Variants in VMA12 observed in about 807,000 individuals in gnomAD.
VMA12 encodes the protein vacuolar ATPase assembly protein VMA12.
the VMA12 span, chr17:28,361,975 G>A: frequency 6.6e-6 from 1 of 152,302 alleles, no homozygotes; most frequent in Admixed American, 6.5e-5. Context: ...TGAGAACTTA[G>A]ATTAGTGGTG....
At chr17:28,360,629 C>CA in the VMA12 span, 1 of 1,608,798 alleles carries the variant, frequency 6.2e-7, no homozygotes, top group Middle Eastern at 1.7e-4. Context: ...TCATGACACT[C>CA]AGGCTTGTTG....
the VMA12 span, chr17:28,363,234 C>G: frequency 1.3e-5 from 2 of 152,150 alleles, no homozygotes; most frequent in African/African-American, 4.8e-5. Context: ...CAGAGCAGCT[C>G]CAGAGGTGGA....
At chr17:28,361,457 T>C in the VMA12 span, 1 of 568,750 alleles carries the variant, frequency 1.8e-6, no homozygotes, top group African/African-American at 1.9e-5. Context: ...AGATAACACA[T>C]CTTTAAAACA....
chr17:28,357,983 T>C, the VMA12 span: 5 of 1,270,142 alleles, frequency 3.9e-6, no homozygotes, highest in African/African-American at 1.5e-5. Context: ...AGCACTCATC[T>C]AGACAAGTCA....
the VMA12 span, chr17:28,360,882 G>A: frequency 6.3e-7 from 1 of 1,579,736 alleles, no homozygotes; most frequent in Non-Finnish European, 8.7e-7. Context: ...GGTGCCCCTG[G>A]TGGGGGTGTT....
At chr17:28,357,997 G>A in the VMA12 span, 13 of 1,118,624 alleles carry the variant, frequency 1.2e-5, no homozygotes, top group African/African-American at 1.7e-4. Context: ...CAAGTCAAGA[G>A]TCACTCCATA....
chr17:28,358,324 G>C, the VMA12 span: 3 of 443,316 alleles, frequency 6.8e-6, no homozygotes, highest in African/African-American at 6.1e-5. Flanking sequence ...GATGGCAAAA[G>C]CTGTGTTGAA....
the VMA12 span, chr17:28,360,827 A>T: frequency 6.2e-7 from 1 of 1,613,816 alleles, no homozygotes; most frequent in Non-Finnish European, 8.5e-7. Context: ...AAGCCAATAT[A>T]TCTTCACAGA....
the VMA12 span, chr17:28,358,281 A>G: frequency 2.4e-5 from 10 of 417,256 alleles, no homozygotes; most frequent in Admixed American, 1.8e-4. Context: ...GAAATCTGAT[A>G]CTTTGTTTTG....
the VMA12 span, chr17:28,357,934 C>T: frequency 1.2e-5 from 19 of 1,582,366 alleles, no homozygotes; most frequent in Middle Eastern, 1.7e-4. Flanking sequence ...GATCGATTCC[C>T]TCCTGAGGTC....
At chr17:28,362,314 A>C in the VMA12 span, 1 of 152,178 alleles carries the variant, frequency 6.6e-6, no homozygotes, top group Admixed American at 6.5e-5. Flanking sequence ...AAGAAAAAGT[A>C]GGTGGCATTT....
chr17:28,357,853 G>A, the VMA12 span: 1 of 1,614,016 alleles, frequency 6.2e-7, no homozygotes, highest in East Asian at 2.2e-5. Context: ...GTCTCATCCG[G>A]GATCTGCACC....
the VMA12 span, chr17:28,359,294 C>A: frequency 6.2e-7 from 1 of 1,612,848 alleles, no homozygotes; most frequent in South Asian, 1.1e-5. Flanking sequence ...TCATTCTTCT[C>A]ATTTGATTTT....
the VMA12 span, chr17:28,361,015 C>T: frequency 1.1e-6 from 1 of 929,084 alleles, no homozygotes; most frequent in Non-Finnish European, 1.7e-6. Flanking sequence ...AGGTAATAAC[C>T]CCAGGAGAAG....
chr17:28,362,259 AAT>A, the VMA12 span: 1 of 151,810 alleles, frequency 6.6e-6, no homozygotes, highest in African/African-American at 2.4e-5. Context: ...CTTCCTCTAC[AAT>A]GTTTGCCAGT....
At chr17:28,361,504 G>A in the VMA12 span, 5 of 469,386 alleles carry the variant, frequency 1.1e-5, no homozygotes, top group Non-Finnish European at 1.9e-5. Context: ...ACCTCTTCCT[G>A]AATCTGGTAC....
chr17:28,360,642 T>G, the VMA12 span: 2 of 1,608,392 alleles, frequency 1.2e-6, no homozygotes, highest in Non-Finnish European at 1.7e-6. Flanking sequence ...GCTTGTTGTT[T>G]GACTGAAACC....
chr17:28,358,848 C>A, the VMA12 span: 2 of 1,247,626 alleles, frequency 1.6e-6, no homozygotes, highest in South Asian at 1.4e-5. Flanking sequence ...AGGGCTACAC[C>A]CCTCTTGATC....
the VMA12 span, chr17:28,360,693 G>C: frequency 6.2e-7 from 1 of 1,606,274 alleles, no homozygotes; most frequent in East Asian, 2.2e-5. Flanking sequence ...ACCTCCTAGA[G>C]AATGTTGAAC....
Sources: allele counts gnomAD v4.1 joint callset, GRCh38; gene constraint gnomAD v4.1.1; transcripts MANE v1.5; gene names NCBI Gene and HGNC (gene_info 2026-07-23, HGNC 2026-07-21).